Variants in PROM1 observed in about 807,000 individuals in gnomAD.
PROM1 encodes prominin 1, also known as prominin-1.
Under a neutral mutation model 116.9 loss-of-function variants are expected in PROM1, and 105 were observed. That is an observed-to-expected ratio of 0.90 (90% confidence interval 0.77 to 1.06). PROM1 has a LOEUF of 1.06. Among genes scored for constraint, PROM1 ranks in the 50% least tolerant of loss-of-function variants. The pLI, the probability that PROM1 is intolerant of heterozygous loss-of-function variation, is 0.00. For synonymous variants in PROM1, 393 were observed against 387.0 expected (o/e 1.02, Z -0.18); for missense variants, 1,122 against 1,045.2 (o/e 1.07, Z -1.01).
At chr4:16,058,363 G>C (rs997144662) in intron 2 of PROM1, among the ~76,000 whole-genome samples, 2 of 152,164 alleles carry the variant, frequency 1.3e-5, no homozygotes, top group African/African-American at 2.4e-5. Context: ...AATGAGTAAA[G>C]AGGGGAATCA....
At chr4:15,969,856 C>A (rs1201889242) in intron 27 of PROM1, among the ~76,000 whole-genome samples, 1 of 152,160 alleles carries the variant, frequency 6.6e-6, no homozygotes, top group African/African-American at 2.4e-5. Context: ...GGATTACAGG[C>A]ATGAGCTACC....
intron 5 of PROM1, among the ~76,000 whole-genome samples, chr4:16,028,584 A>AT (rs574704985): frequency 7.9e-4 from 120 of 152,322 alleles, no homozygotes; most frequent in African/African-American, 2.7e-3. Context: ...GAACAAAGAA[A>AT]TTATGCTTTG....
At chr4:15,969,859 GAGCTACCATGCCC>G (rs1256425745) in intron 27 of PROM1, among the ~76,000 whole-genome samples, 2 of 152,118 alleles carry the variant, frequency 1.3e-5, no homozygotes, top group Non-Finnish European at 2.9e-5. Context: ...TTACAGGCAT[GAGCTACCATGCCC>G]AGCCAGAAAA....
chr4:16,006,460 T>A, intron 13 of PROM1, 78 bp downstream of exon 13: 2 of 1,457,982 alleles, frequency 1.4e-6, no homozygotes, highest in Non-Finnish European at 1.8e-6. Flanking sequence ...GGCGCCGGGT[T>A]CATGTAACAC....
intron 16 of PROM1, among the ~76,000 whole-genome samples, chr4:15,993,105 A>T (rs1240256486): frequency 6.6e-6 from 1 of 152,210 alleles, no homozygotes; most frequent in Non-Finnish European, 1.5e-5. Flanking sequence ...CTATTTAGGG[A>T]AGATAATAAA....
At chr4:16,017,082 G>T (rs1157358535) in intron 9 of PROM1, among the ~76,000 whole-genome samples, 1 of 152,148 alleles carries the variant, frequency 6.6e-6, no homozygotes, top group African/African-American at 2.4e-5. Context: ...AGTTAGGAAG[G>T]ACAATAAAAT....
At chr4:16,004,844 C>CTTTT (rs1560460230) in intron 13 of PROM1, among the ~76,000 whole-genome samples, 7 of 127,814 alleles carry the variant, frequency 5.5e-5, no homozygotes, top group African/African-American at 2.0e-4. Context: ...TTCCTTCCTT[C>CTTTT]CTTCCTTCCT....
intron 22 of PROM1, 47 bp from the exon 23 acceptor site, chr4:15,984,402 AC>A: frequency 7.3e-7 from 1 of 1,361,692 alleles, no homozygotes; most frequent in South Asian, 1.4e-5. Context: ...ATCCACAAAA[AC>A]CCAAAGGAAT....
At chr4:16,082,138 T>C (rs1416156523) in intron 1 of PROM1, 2 of 152,290 alleles carry the variant, frequency 1.3e-5, no homozygotes, top group East Asian at 1.9e-4. Context: ...CTGGGGTCTG[T>C]CTGCTTCTGC....
chr4:15,979,248 G>A, intron 26 of PROM1, 147 bp downstream of exon 26: 1 of 1,290,368 alleles, frequency 7.7e-7, no homozygotes, highest in Non-Finnish European at 1.1e-6. Context: ...GGAACACTAT[G>A]TAGAGCATGA....
intron 2 of PROM1, among the ~76,000 whole-genome samples, chr4:16,057,053 T>A (rs1739219732): frequency 6.6e-6 from 1 of 152,238 alleles, no homozygotes; most frequent in African/African-American, 2.4e-5. Flanking sequence ...CAGGGAGCTA[T>A]TTACTTGAAT....
chr4:16,046,654 CTTAT>C (rs1362194823), intron 2 of PROM1, among the ~76,000 whole-genome samples: 3 of 152,204 alleles, frequency 2.0e-5, no homozygotes, highest in African/African-American at 7.2e-5. Flanking sequence ...TTTATTTTAA[CTTAT>C]TTAAGACATA....
chr4:16,022,436 ATTAG>A (rs998819344), intron 8 of PROM1, among the ~76,000 whole-genome samples: 1 of 152,198 alleles, frequency 6.6e-6, no homozygotes, highest in Non-Finnish European at 1.5e-5. Flanking sequence ...AGGCCTTTCA[ATTAG>A]TTAGGACTCA....
At chr4:16,077,510 T>C (rs1744210271) in intron 1 of PROM1, among the ~76,000 whole-genome samples, 1 of 152,202 alleles carries the variant, frequency 6.6e-6, no homozygotes, top group Non-Finnish European at 1.5e-5. Context: ...CGCTGAACGC[T>C]GGTCCCCTGG....
chr4:16,035,729 C>T lies in PROM1; in HGVS notation c.303+6G>A, dbSNP rs2078622. 814,234 of 1,609,956 alleles carry T rather than the reference C, an allele frequency of 0.51. 217,307 individuals carry two copies. The highest frequency in any genetic ancestry group is 0.55 in the Non-Finnish European group (652,578 of 1,176,516). On this transcript the variant is annotated splice_donor_region_variant and intron_variant, in intron 4 of 27. Transcript: ENST00000447510. ...AGCAACTTGAAATAGCAGACAAGGA[C>T]TTTACCTTTAGACCTAAGATTACAG...
At chr4:16,053,290 T>C (rs1738284634) in intron 2 of PROM1, among the ~76,000 whole-genome samples, 1 of 152,244 alleles carries the variant, frequency 6.6e-6, no homozygotes, top group South Asian at 2.1e-4. Context: ...AAAAAGTTGT[T>C]GGACCTCTTT....
intron 5 of PROM1, among the ~76,000 whole-genome samples, chr4:16,029,715 T>C (rs1029605023): frequency 6.6e-6 from 1 of 152,168 alleles, no homozygotes; most frequent in Non-Finnish European, 1.5e-5. Context: ...CAAAACTAAC[T>C]TGAAAACCAA....
intron 26 of PROM1, among the ~76,000 whole-genome samples, chr4:15,977,907 A>G (rs1716620773): frequency 6.6e-6 from 1 of 152,128 alleles, no homozygotes; most frequent in Admixed American, 6.5e-5. Flanking sequence ...CAAGAACTTG[A>G]TTTTTTTAAT....
chr4:16,044,173 T>C (rs1264386069), intron 2 of PROM1, among the ~76,000 whole-genome samples: 1 of 152,204 alleles, frequency 6.6e-6, no homozygotes, highest in Non-Finnish European at 1.5e-5. Flanking sequence ...AGATCCGTCT[T>C]CTTTATGTGA....
Sources: gnomAD v4.1 joint callset for allele counts (sites outside exome capture counted in the v4.1 genomes callset) on GRCh38, gnomAD v4.1.1 for gene constraint, MANE v1.5 for transcripts, NCBI Gene and HGNC (gene_info 2026-07-23, HGNC 2026-07-21) for gene names.